The following ERGIC1 variants were observed in gnomAD, a reference collection of about 807,000 sequenced individuals.
ERGIC1 encodes endoplasmic reticulum-Golgi intermediate compartment protein 1.
Under a neutral mutation model 38.3 loss-of-function variants are expected in ERGIC1, and 19 were observed. The ratio of observed to expected loss-of-function variants is 0.50; its 90% CI spans 0.35 to 0.73. The LOEUF is 0.73. Ranked by LOEUF, ERGIC1 falls within the 30% of genes least tolerant of loss-of-function variation. The pLI is 0.01. For synonymous variants in ERGIC1, 124 were observed against 157.6 expected, an observed-to-expected ratio of 0.79 and a Z score of 1.60; for missense variants, 294 against 389.2, an observed-to-expected ratio of 0.76 and a Z score of 2.06.
At chr5:172,914,901 TG>T in intron 5 of ERGIC1, 63 bp downstream of exon 5, 3 of 1,608,838 alleles carry the variant, frequency 1.9e-6, no homozygotes, top group African/African-American at 1.3e-5. Context: ...CCCCGCTCCC[TG>T]GAAACTGGTT....
intron 8 of ERGIC1, chr5:172,934,524 C>T (rs559271992): frequency 2.3e-4 from 36 of 154,016 alleles, no homozygotes; most frequent in Admixed American, 3.8e-4. Context: ...CCACTCCCCA[C>T]GTGGCATTTA....
Position 172,924,060 on chromosome 5 carries a change from C to T in ERGIC1, c.431C>T (p.Pro144Leu), listed in dbSNP as rs1232719006. ...THSATAQPQN[P>L]DMTHVIHKLS... ...AGTGCCACAGCCCAGCCACAGAACC[C>T]AGACATGACGCATGTCATCCACAAG... Residue 144 changes from proline to leucine, a missense_variant, in exon 6 of 10, where the codon CCA becomes CTA. By Grantham distance (98) the Pro-to-Leu change is moderately conservative (BLOSUM62 -3). Around this residue, in one of 3 missense-constraint regions of ERGIC1, gnomAD observed 163 missense variants for 225.8 expected, o/e 0.72. Transcript: ENST00000393784. 1 of 1,614,228 alleles carries T rather than the reference C, an allele frequency of 6.2e-7. No individual in the cohort carries two copies. The highest frequency in any genetic ancestry group is 8.5e-7 in the Non-Finnish European group (1 of 1,180,036).
chr5:172,914,670 G>A (rs781609383), intron 4 of ERGIC1, 44 bp from the exon 5 acceptor site: 27 of 1,613,470 alleles, frequency 1.7e-5, no homozygotes, highest in Middle Eastern at 3.3e-4. Flanking sequence ...CCATCCTCCC[G>A]CGTCTCTGGG....
At chr5:172,935,143 C>G (rs775248401) in intron 8 of ERGIC1, 45 bp from the exon 9 acceptor site, 28 of 1,613,246 alleles carry the variant, frequency 1.7e-5, no homozygotes, top group Middle Eastern at 1.6e-4. Context: ...CCCGCCCCCC[C>G]TGAGACACAG....
intron 1 of ERGIC1, among the ~76,000 whole-genome samples, chr5:172,843,493 A>G (rs1761213698): frequency 6.6e-6 from 1 of 152,210 alleles, no homozygotes; most frequent in African/African-American, 2.4e-5. Flanking sequence ...ACACCAACAT[A>G]TAGAATTACC....
At chr5:172,903,986 CACATT>C (rs1414276454) in intron 3 of ERGIC1, among the ~76,000 whole-genome samples, 1 of 151,700 alleles carries the variant, frequency 6.6e-6, no homozygotes, top group African/African-American at 2.4e-5. Context: ...CACACACACA[CACATT>C]GACTCACACT....
intron 4 of ERGIC1, among the ~76,000 whole-genome samples, chr5:172,914,188 G>C (rs1487154223): frequency 2.2e-5 from 3 of 137,328 alleles, no homozygotes; most frequent in Non-Finnish European, 3.0e-5. Context: ...TGAGTCGAGA[G>C]CATGCCATTG....
chr5:172,891,638 C>T (rs1762561988), intron 2 of ERGIC1, among the ~76,000 whole-genome samples: 1 of 152,098 alleles, frequency 6.6e-6, no homozygotes, highest in African/African-American at 2.4e-5. Context: ...CGAGGCTTCA[C>T]CATGTTGGCC....
chr5:172,949,183 G>C (rs1429754498), intron 9 of ERGIC1, among the ~76,000 whole-genome samples: 1 of 152,206 alleles, frequency 6.6e-6, no homozygotes, highest in Non-Finnish European at 1.5e-5. Flanking sequence ...ACATTAGTTT[G>C]ATTAGTCCCA....
chr5:172,932,599 GATGACA>G, intron 8 of ERGIC1, 63 bp downstream of exon 8: 2 of 1,516,498 alleles, frequency 1.3e-6, no homozygotes, highest in Non-Finnish European at 1.8e-6. Flanking sequence ...GGAGAGCAGA[GATGACA>G]GGCGGCTGCA....
At chr5:172,900,483 G>A (rs1425467813) in intron 3 of ERGIC1, among the ~76,000 whole-genome samples, 1 of 152,018 alleles carries the variant, frequency 6.6e-6, no homozygotes. Context: ...AAGGCCAGAG[G>A]ATCACTTAGC....
chr5:172,935,357 C>A lies in ERGIC1; in HGVS notation c.765+47C>A, dbSNP rs764827910. On this transcript the variant is annotated intron_variant, in intron 9 of 9. Transcript: ENST00000393784. ...GTGGGGCCCTGAGCCAGCCACCCTGCGCCTGCTCTGGGCCCCTTTCCTTGG... is the reference window on the plus strand; with the variant it reads ...GTGGGGCCCTGAGCCAGCCACCCTGAGCCTGCTCTGGGCCCCTTTCCTTGG... 5 of 1,611,488 alleles carry A rather than the reference C, an allele frequency of 3.1e-6. 1 individual carries two copies. The highest frequency in any genetic ancestry group is 4.2e-6 in the Non-Finnish European group (5 of 1,178,486).
intron 1 of ERGIC1, among the ~76,000 whole-genome samples, chr5:172,877,855 G>A (rs1762185237): frequency 6.6e-6 from 1 of 152,166 alleles, no homozygotes. Flanking sequence ...GCCAGGCCCT[G>A]CGTGACCCAC....
chr5:172,904,830 G>A (rs1396034489), intron 3 of ERGIC1, among the ~76,000 whole-genome samples: 3 of 152,196 alleles, frequency 2.0e-5, no homozygotes, highest in Non-Finnish European at 4.4e-5. Context: ...CCAGGTGATT[G>A]AATTGTGTTT....
chr5:172,942,142 C>T (rs1368323614), intron 9 of ERGIC1, among the ~76,000 whole-genome samples: 1 of 152,012 alleles, frequency 6.6e-6, no homozygotes, highest in Non-Finnish European at 1.5e-5. Flanking sequence ...TGCAGTGAGC[C>T]GAGATCGTGC....
chr5:172,846,405 GA>G lies in ERGIC1; in HGVS notation c.20+11974del. Among the ~76,000 whole-genome samples the G allele has an allele frequency of 6.6e-6, 1 of 152,340 alleles. No homozygotes were observed. Among genetic ancestry groups the G allele is most frequent in the African/African-American group, 2.4e-5 (1 of 41,586 alleles). On this transcript the variant is annotated intron_variant, in intron 1 of 9. Coordinates refer to ENST00000393784, the MANE Select transcript of ERGIC1 (RefSeq NM_001031711.3). The surrounding 1 kb of genome is among the most constrained non-coding windows in gnomAD (Gnocchi z 4.0). ...ATGGGGCAGGAGAAGGAGCTTGTAA[GA>G]ACCCATTGTCCTCCCTGGCCTGCCC...
chr5:172,923,513 C>A (rs1288811366), intron 5 of ERGIC1, among the ~76,000 whole-genome samples: 1 of 152,160 alleles, frequency 6.6e-6, no homozygotes, highest in African/African-American at 2.4e-5. Flanking sequence ...GGGCTTGAGA[C>A]CCAGGGAAGA....
rs1306007761 is a variant in ERGIC1 at position 172,853,534 on chromosome 5, G to A, written c.20+19101G>A. 3.3e-5 allele frequency among the ~76,000 whole-genome samples: 5 copies of A among 152,094 alleles called. No individual in the cohort carries two copies. The South Asian group carries it at 8.3e-4, about 25-fold the overall frequency. ...GGCCCATTTCACAGATGAGAAACTC[G>A]AGGCTTACAGAGTCAGTCTGCGCAA... is the stretch of plus-strand genomic sequence containing the variant. On this transcript the variant is annotated intron_variant, in intron 1 of 9. Transcript: ENST00000393784.
At chr5:172,898,257 C>T (rs1410612207) in intron 3 of ERGIC1, 1 of 174,886 alleles carries the variant, frequency 5.7e-6, no homozygotes, top group African/African-American at 2.4e-5. Context: ...TCTCATTATA[C>T]AAGCATTACC....
Sources: allele counts gnomAD v4.1 joint callset (sites outside exome capture counted in the v4.1 genomes callset), GRCh38; gene constraint gnomAD v4.1.1; regional missense constraint gnomAD v4.1.1; non-coding constraint Gnocchi (gnomAD v3.1); transcripts MANE v1.5; gene names NCBI Gene and HGNC (gene_info 2026-07-23, HGNC 2026-07-21).